Variants in PIH1D2 observed in about 807,000 individuals in gnomAD.
PIH1D2 encodes PIH1 domain containing 2, also known as PIH1 domain-containing protein 2.
In PIH1D2, 25 loss-of-function variants were observed where a neutral mutation model predicts 31.2. The observed-to-expected ratio is 0.80, with a 90% CI of 0.58 to 1.12. The LOEUF is 1.12. Among genes scored for constraint, PIH1D2 ranks in the 50% most tolerant of loss-of-function variants. PIH1D2 has a pLI of 0.00. For missense variants in PIH1D2, 310 were observed against 356.6 expected, an observed-to-expected ratio of 0.87 and a Z score of 1.05; for synonymous variants, 116 against 119.9, an observed-to-expected ratio of 0.97 and a Z score of 0.21.
the PIH1D2 span, among the ~76,000 whole-genome samples, chr11:112,056,787 AC>A: frequency 1.3e-5 from 2 of 152,192 alleles, no homozygotes; most frequent in African/African-American, 4.8e-5. Context: ...TTACCTTCCC[AC>A]CAATAGTGGA....
At chr11:112,058,497 G>A (rs922778010), downstream of PIH1D2, among the ~76,000 whole-genome samples, 2 of 151,560 alleles carry the variant, frequency 1.3e-5, no homozygotes, top group Non-Finnish European at 2.9e-5. Flanking sequence ...GCCTTTGTTT[G>A]AAGTCTTAAC....
Position 112,070,989 on chromosome 11 carries a change from A to C in PIH1D2, c.547+49T>G, listed in dbSNP as rs782200199. ...AGTTTGCAAAATGTATACAGGATCCAAAAACATCTTAAAGCAGTTTAATTT... is the reference window on the plus strand; with the variant it reads ...AGTTTGCAAAATGTATACAGGATCCCAAAACATCTTAAAGCAGTTTAATTT... On this transcript the variant is annotated intron_variant, in intron 4 of 5. Transcript: ENST00000280350. The C allele has an allele frequency of 7.6e-6, 12 of 1,568,924 alleles. No individual in the cohort carries two copies. The Middle Eastern group carries it at 6.7e-4, about 87-fold the overall frequency.
In PIH1D2 at chr11:112,071,493, T is replaced by C. The variant is rs1555184617; in HGVS notation, c.301+142A>G. ...TCACCTTATTACAAAAGTTAAACAG[T>C]ATTAAATTTGCATAAAGATACACTA... On this transcript the variant is annotated intron_variant, in intron 3 of 5. Coordinates refer to ENST00000280350, the MANE Select transcript of PIH1D2 (RefSeq NM_138789.4). 3 of 1,271,472 alleles carry C rather than the reference T, an allele frequency of 2.4e-6. No homozygotes were observed. The African/African-American group carries it at 4.5e-5, about 19-fold the overall frequency. The allele number at this position is 1,271,472 out of a possible 1,614,324, so 78.8% of individuals were successfully genotyped here.
At chr11:112,066,048 T>C (rs758970229), downstream of PIH1D2, among the ~76,000 whole-genome samples, 29 of 152,202 alleles carry the variant, frequency 1.9e-4, no homozygotes, top group Non-Finnish European at 3.2e-4. Context: ...GTTATTTCTG[T>C]TATACAACAT....
chr11:112,071,347 CAAT>C (rs1865104003), intron 3 of PIH1D2, 64 bp from the exon 4 acceptor site: 16 of 1,502,018 alleles, frequency 1.1e-5, no homozygotes, highest in Middle Eastern at 3.5e-4. Flanking sequence ...TACTGTCAGG[CAAT>C]ATATTAAACC....
chr11:112,055,745 T>C, the PIH1D2 span, among the ~76,000 whole-genome samples: 3 of 151,832 alleles, frequency 2.0e-5, no homozygotes, highest in East Asian at 1.9e-4. Context: ...TCAAGGAATT[T>C]ATATTCCTTA....
the PIH1D2 span, among the ~76,000 whole-genome samples, chr11:112,052,595 A>G: frequency 6.6e-6 from 1 of 152,112 alleles, no homozygotes; most frequent in African/African-American, 2.4e-5. Flanking sequence ...CAGAGCTTCC[A>G]TGTCCTTTCT....
At position 112,071,227 on chromosome 11, in the gene PIH1D2, T is replaced by C; in HGVS notation, c.358A>G (p.Lys120Glu). The stretch of plus-strand genomic sequence containing the variant: ...AACTGATTTTTTTTCACTTGGTCCT[T>C]TTCTGCTGCATGAAGAACATCAGGA... The part of the protein sequence containing the change: ...YNPDVLHAAE[K>E]DQVKKNQLIQ... Residue 120 changes from lysine (K) to glutamate (E), a missense_variant, in exon 4 of 6, where the codon AAG becomes GAG. Coordinates refer to ENST00000280350, the MANE Select transcript of PIH1D2 (RefSeq NM_138789.4). 6.2e-7 allele frequency: 1 copy of C among 1,613,852 alleles called. No homozygotes were observed. Among genetic ancestry groups the C allele is most frequent in the South Asian group, 1.1e-5 (1 of 91,056 alleles).
At chr11:112,063,501 A>C (rs2135181242), downstream of PIH1D2, 1 of 152,748 alleles carries the variant, frequency 6.5e-6, no homozygotes, top group African/African-American at 2.4e-5. Flanking sequence ...TTTATCCCAA[A>C]TCCTGTCTGA....
chr11:112,053,802 C>T, the PIH1D2 span, among the ~76,000 whole-genome samples: 1 of 152,158 alleles, frequency 6.6e-6, no homozygotes, highest in African/African-American at 2.4e-5. Flanking sequence ...TATTTACCTG[C>T]AGATTTCCAA....
chr11:112,057,409 C>CT, the PIH1D2 span, among the ~76,000 whole-genome samples: 1 of 152,228 alleles, frequency 6.6e-6, no homozygotes, highest in African/African-American at 2.4e-5. Flanking sequence ...CGGTTGAAAG[C>CT]TAGGCCTCTT....
At chr11:112,057,285 C>T in the PIH1D2 span, among the ~76,000 whole-genome samples, 2 of 152,168 alleles carry the variant, frequency 1.3e-5, no homozygotes, top group African/African-American at 4.8e-5. Context: ...CAATTAGTAA[C>T]TCTACAATGG....
At chr11:112,064,029 T>C (rs1475322221), downstream of PIH1D2, 19 of 721,002 alleles carry the variant, frequency 2.6e-5, no homozygotes, top group Admixed American at 4.4e-4. Flanking sequence ...CACAGACTTT[T>C]ACCTTGCTGT....
chr11:112,071,792 C>G, intron 2 of PIH1D2, 34 bp from the exon 3 acceptor site: 1 of 1,612,118 alleles, frequency 6.2e-7, no homozygotes, highest in African/African-American at 1.3e-5. Context: ...ATCTCAAAAC[C>G]TAGTTTAAAA....
rs1431611429 is a variant in PIH1D2, at chr11:112,073,217, C to A, written c.-31-12G>T. ...TAATTTTCTTAAGCCTGTGGAAAAA[C>A]ACGACTTCAGGAAGAAAACTGTCTG... On this transcript the variant is annotated splice_polypyrimidine_tract_variant and intron_variant, in intron 1 of 5. Transcript: ENST00000280350. 1.3e-6 allele frequency: 2 copies of A among 1,489,140 alleles called. No homozygotes were observed. Among genetic ancestry groups the A allele is most frequent in the African/African-American group, 1.4e-5 (1 of 71,420 alleles). The allele number at this position is 1,489,140 out of a possible 1,614,324, so 92.2% of individuals were successfully genotyped here.
chr11:112,055,873 TTTTTTTTTTTTTTG>T, the PIH1D2 span, among the ~76,000 whole-genome samples: 2 of 113,974 alleles, frequency 1.8e-5, no homozygotes, highest in African/African-American at 7.2e-5. Flanking sequence ...TTTTTTTTTT[TTTTTTTTTTTTTTG>T]AGGTGGAGTC....
downstream of PIH1D2, chr11:112,061,458 A>G (rs1864619266): frequency 1.1e-5 from 4 of 376,550 alleles, no homozygotes; most frequent in Non-Finnish European, 1.9e-5. Flanking sequence ...TGCTTACTGG[A>G]AATTTGTGGA....
Position 112,070,176 on chromosome 11 carries a change from G to A in PIH1D2, c.813+260C>T, listed in dbSNP as rs1865063952. 6.8e-6 allele frequency: 4 copies of A among 585,618 alleles called. No individual in the cohort carries two copies. In the Admixed American group the frequency reaches 9.1e-5, roughly 13 times the overall value. The allele number at this position is 585,618 out of a possible 1,614,324, so 36.3% of individuals were successfully genotyped here. The stretch of plus-strand genomic sequence containing the variant: ...AGAACTGGCCTTGTGACTTACTTTG[G>A]CCAGTGGAGCGTGAGTAGAAGTGAT... On this transcript the variant is annotated intron_variant, in intron 5 of 5. Transcript: ENST00000280350.
chr11:112,060,692 C>T (rs1296188772), downstream of PIH1D2, among the ~76,000 whole-genome samples: 2 of 152,060 alleles, frequency 1.3e-5, no homozygotes, highest in African/African-American at 4.8e-5. Context: ...TTTCAAACTC[C>T]TGACCTCAAA....
Sources: allele counts gnomAD v4.1 joint callset (sites outside exome capture counted in the v4.1 genomes callset), GRCh38; gene constraint gnomAD v4.1.1; transcripts MANE v1.5; gene names NCBI Gene and HGNC (gene_info 2026-07-23, HGNC 2026-07-21).